The following PCCA variants were observed in gnomAD, a reference collection of about 807,000 sequenced individuals.
The protein encoded by PCCA is propionyl-CoA carboxylase alpha chain, mitochondrial.
A neutral mutation model predicts 101.3 loss-of-function variants in PCCA; 74 were observed. The ratio of observed to expected loss-of-function variants is 0.73; its 90% CI spans 0.61 to 0.89. The LOEUF is 0.89. Among genes scored for constraint, PCCA ranks in the 40% least tolerant of loss-of-function variants. The pLI, the probability that PCCA is intolerant of heterozygous loss-of-function variation, is 0.00. For synonymous variants in PCCA, 294 were observed against 313.6 expected (o/e 0.94, Z 0.66); for missense variants, 891 against 907.0 (o/e 0.98, Z 0.23).
At chr13:100,309,727 A>G (rs1448147331) in intron 15 of PCCA, 106 bp from the exon 16 acceptor site, 13 of 720,702 alleles carry the variant, frequency 1.8e-5, no homozygotes, top group Non-Finnish European at 3.0e-5. Flanking sequence ...ATTTCGAGAT[A>G]TATTTAGAAA....
At chr13:100,245,499 C>T (rs2152537982) in intron 8 of PCCA, among the ~76,000 whole-genome samples, 1 of 152,284 alleles carries the variant, frequency 6.6e-6, no homozygotes, top group Non-Finnish European at 1.5e-5. Flanking sequence ...GTTCAATTCT[C>T]ATTCGTCAGG....
At chr13:100,305,834 C>G (rs751173649) in intron 14 of PCCA, 1 of 447,430 alleles carries the variant, frequency 2.2e-6, no homozygotes, top group South Asian at 1.7e-5. Context: ...AAGTATATTT[C>G]GTAAGTGTGC....
At position 100,111,884 on chromosome 13, in the gene PCCA, G is replaced by T. The variant is rs1365814386; in HGVS notation, c.227G>T (p.Cys76Phe). 1 of 1,610,280 alleles carries T rather than the reference G, an allele frequency of 6.2e-7. No individual in the cohort carries two copies. The highest frequency in any genetic ancestry group is 1.3e-5 in the African/African-American group (1 of 74,778). ...ILVANRGEIA[C>F]RVIRTCKKMG... ...GTTGCTAATAGAGGAGAAATTGCAT[G>T]TCGGGTGAGTAGAATTTTCGTCTTA... The change falls in exon 3 of 24, where the codon TGT becomes TTT. Residue 76 changes from cysteine to phenylalanine, a missense_variant. By Grantham distance (205) the Cys-to-Phe change is radical. Coordinates refer to ENST00000376285, the MANE Select transcript of PCCA (RefSeq NM_000282.4).
At chr13:100,317,220 A>G (rs1283501936) in intron 16 of PCCA, among the ~76,000 whole-genome samples, 2 of 152,150 alleles carry the variant, frequency 1.3e-5, no homozygotes, top group Admixed American at 1.3e-4. Context: ...AATACCTTTC[A>G]TCCCTTCCAG....
intron 1 of PCCA, among the ~76,000 whole-genome samples, chr13:100,094,169 A>C (rs1017772536): frequency 3.3e-5 from 5 of 149,690 alleles, no homozygotes; most frequent in African/African-American, 1.2e-4. Flanking sequence ...TGGAGGTTGC[A>C]GTGAGCCGAG....
intron 9 of PCCA, among the ~76,000 whole-genome samples, chr13:100,258,679 T>C (rs2062240771): frequency 6.6e-6 from 1 of 152,228 alleles, no homozygotes; most frequent in Admixed American, 6.5e-5. Context: ...TGAGGTTTGC[T>C]GTGCTGCTGT....
chr13:100,428,478 G>T (rs1343093774), intron 20 of PCCA, among the ~76,000 whole-genome samples: 1 of 151,704 alleles, frequency 6.6e-6, no homozygotes, highest in Non-Finnish European at 1.5e-5. Context: ...GCATCACAAA[G>T]CTAGGAAGAA....
At chr13:100,173,412 T>C (rs1389187331) in intron 6 of PCCA, among the ~76,000 whole-genome samples, 1 of 152,134 alleles carries the variant, frequency 6.6e-6, no homozygotes, top group East Asian at 1.9e-4. Flanking sequence ...CAACCAGGGA[T>C]GACGAGCTGC....
At chr13:100,194,990 A>T (rs1420271747) in intron 6 of PCCA, among the ~76,000 whole-genome samples, 1 of 152,234 alleles carries the variant, frequency 6.6e-6, no homozygotes, top group Non-Finnish European at 1.5e-5. Context: ...TTTAACTGGA[A>T]AAATATTATT....
chr13:100,468,382 C>G (rs771106001), intron 21 of PCCA, among the ~76,000 whole-genome samples: 1 of 152,194 alleles, frequency 6.6e-6, no homozygotes, highest in Non-Finnish European at 1.5e-5. Context: ...GTTTACTTCT[C>G]CTCTCTAGTT....
At chr13:100,467,916 A>C (rs2082664602) in intron 21 of PCCA, among the ~76,000 whole-genome samples, 1 of 152,212 alleles carries the variant, frequency 6.6e-6, no homozygotes, top group Non-Finnish European at 1.5e-5. Flanking sequence ...CTTTGCCCAG[A>C]TCCATCAGAG....
intron 4 of PCCA, among the ~76,000 whole-genome samples, chr13:100,125,793 T>C (rs763162038): frequency 6.6e-6 from 1 of 152,262 alleles, no homozygotes; most frequent in African/African-American, 2.4e-5. Context: ...ATCTTTGACT[T>C]GGCTAAATTA....
chr13:100,513,923 A>G (rs971066847), intron 21 of PCCA, among the ~76,000 whole-genome samples: 15 of 152,184 alleles, frequency 9.9e-5, no homozygotes, highest in African/African-American at 3.6e-4. Flanking sequence ...AAACTGTGCA[A>G]TTTGGTCCAA....
chr13:100,139,713 G>A (rs2152341664), intron 4 of PCCA, among the ~76,000 whole-genome samples: 1 of 151,926 alleles, frequency 6.6e-6, no homozygotes, highest in Middle Eastern at 3.4e-3. Flanking sequence ...CAACATTTTT[G>A]TTACTTTGGT....
rs749767976 is a variant in PCCA at position 100,425,714 on chromosome 13, A to G, written c.1828A>G (p.Thr610Ala). ...SPLLSVSVDG[T>A]QRTVQCLSRE... Reference sequence around the variant, plus strand: ...CTTATTGTCTGTCAGCGTTGATGGCACTCAGAGGACTGTCCAGGTGAGTGT... The same window carrying G: ...CTTATTGTCTGTCAGCGTTGATGGCGCTCAGAGGACTGTCCAGGTGAGTGT... The change falls in exon 20 of 24, where the codon ACT (threonine) becomes GCT (alanine). Residue 610 changes from threonine to alanine, a missense_variant. Thr to Ala is a moderately conservative substitution (Grantham distance 58). Coordinates refer to ENST00000376285, the MANE Select transcript of PCCA (RefSeq NM_000282.4). 2.5e-6 allele frequency: 4 copies of G among 1,612,244 alleles called. No homozygotes were observed. The South Asian group carries it at 4.4e-5, about 18-fold the overall frequency.
At position 100,264,197 on chromosome 13, in the gene PCCA, A is replaced by G. The variant is rs1226104727; in HGVS notation, c.819+1366A>G. Among the ~76,000 whole-genome samples, 2 of 38,854 alleles carry G rather than the reference A, an allele frequency of 5.1e-5. 1 individual carries two copies. The highest frequency in any genetic ancestry group is 1.5e-4 in the Non-Finnish European group (2 of 13,192). The allele number at this position is 38,854 out of a possible 152,430, so 25.5% of individuals were successfully genotyped here. On this transcript the variant is annotated intron_variant, in intron 10 of 23. Coordinates refer to ENST00000376285, the MANE Select transcript of PCCA (RefSeq NM_000282.4). ...CGTATATATGTGATATCTGTATATC[A>G]TATATGTGATATCTGTATCTCATAT...
At chr13:100,115,442 CAAAT>C (rs769788463) in intron 4 of PCCA, among the ~76,000 whole-genome samples, 73 of 152,186 alleles carry the variant, frequency 4.8e-4, no homozygotes, top group African/African-American at 1.6e-3. Context: ...GCTTGTAACA[CAAAT>C]AAATGAATGA....
At chr13:100,224,101 G>T (rs1018259364) in intron 7 of PCCA, among the ~76,000 whole-genome samples, 4 of 152,340 alleles carry the variant, frequency 2.6e-5, no homozygotes, top group African/African-American at 7.2e-5. Context: ...GGAGCAGGGG[G>T]CGGCGCACAT....
At chr13:100,442,624 C>T (rs2080461070) in intron 20 of PCCA, among the ~76,000 whole-genome samples, 1 of 152,150 alleles carries the variant, frequency 6.6e-6, no homozygotes, top group Non-Finnish European at 1.5e-5. Context: ...CTAGACTCTG[C>T]AGATAGAACA....
Sources: gnomAD v4.1 joint callset for allele counts (sites outside exome capture counted in the v4.1 genomes callset) on GRCh38, gnomAD v4.1.1 for gene constraint, MANE v1.5 for transcripts, NCBI Gene and HGNC (gene_info 2026-07-23, HGNC 2026-07-21) for gene names.